Variants in GRM8 observed in about 807,000 individuals in gnomAD.
GRM8 encodes metabotropic glutamate receptor 8.
Under a neutral mutation model 87.2 loss-of-function variants are expected in GRM8, and 47 were observed. The ratio of observed to expected loss-of-function variants is 0.54; its 90% CI spans 0.43 to 0.69. The LOEUF (loss-of-function observed/expected upper bound fraction) is 0.69, where lower values mean the gene tolerates loss of function less well. Among genes scored for constraint, GRM8 ranks in the 30% least tolerant of loss-of-function variants. GRM8 has a pLI of 0.00. For missense variants in GRM8, 1,019 were observed against 1,139.2 expected, an observed-to-expected ratio of 0.89 and a Z score of 1.52; for synonymous variants, 396 against 404.5, an observed-to-expected ratio of 0.98 and a Z score of 0.25.
intron 9 of GRM8, among the ~76,000 whole-genome samples, chr7:126,490,344 A>G (rs1807856869): frequency 6.6e-6 from 1 of 152,036 alleles, no homozygotes; most frequent in South Asian, 2.1e-4. Context: ...TCTCTTAAAA[A>G]TGGTAGCATA....
intron 6 of GRM8, among the ~76,000 whole-genome samples, chr7:126,815,572 ACTT>A: frequency 6.6e-6 from 1 of 152,096 alleles, no homozygotes; most frequent in South Asian, 2.1e-4. Context: ...CAATAGTAAT[ACTT>A]CTTGCTGTAC....
chr7:126,439,697 G>A (rs1019959521), intron 10 of GRM8, among the ~76,000 whole-genome samples: 2 of 151,948 alleles, frequency 1.3e-5, no homozygotes, highest in African/African-American at 4.8e-5. Flanking sequence ...GGGTATTCCC[G>A]AATAAGGCAT....
intron 2 of GRM8, among the ~76,000 whole-genome samples, chr7:127,111,451 T>C (rs185867022): frequency 6.6e-6 from 1 of 152,098 alleles, no homozygotes; most frequent in Admixed American, 6.6e-5. Context: ...TGGCCTTCCT[T>C]GAAATGGTAA....
rs1156723063 is a variant in GRM8, at chr7:127,012,098, C to A, written c.727+94398G>T. On this transcript the variant is annotated intron_variant, in intron 3 of 10. Coordinates refer to ENST00000339582, the MANE Select transcript of GRM8 (RefSeq NM_000845.3). Reference sequence around the variant, plus strand: ...GTGATCCTAGCTGGGAAGCTCTCTGCGCTTAACTGTCAACTCACCTGGATT... The same window carrying A: ...GTGATCCTAGCTGGGAAGCTCTCTGAGCTTAACTGTCAACTCACCTGGATT... Among the ~76,000 whole-genome samples, 4 of 152,224 alleles carry A rather than the reference C, an allele frequency of 2.6e-5. No homozygotes were observed. The South Asian group carries it at 8.3e-4, about 32-fold the overall frequency.
intron 9 of GRM8, among the ~76,000 whole-genome samples, chr7:126,476,811 T>C (rs777678197): frequency 6.6e-5 from 10 of 151,886 alleles, no homozygotes; most frequent in Admixed American, 1.3e-4. Context: ...TAAATTGTTA[T>C]AGCCATTATG....
intron 3 of GRM8, among the ~76,000 whole-genome samples, chr7:126,968,171 G>C (rs1810064356): frequency 6.6e-6 from 1 of 152,078 alleles, no homozygotes; most frequent in Admixed American, 6.6e-5. Flanking sequence ...ATGTTATAAT[G>C]CCATTGTCTG....
Position 126,454,363 on chromosome 7 carries a change from T to C in GRM8, c.2431-7991A>G, listed in dbSNP as rs184738747. Reference sequence around the variant, plus strand: ...AGGAAAGTTGGTAAAATTATGAAAATGGTTTCAACTGTAGTTTTGCGAAAG... The same window carrying C: ...AGGAAAGTTGGTAAAATTATGAAAACGGTTTCAACTGTAGTTTTGCGAAAG... On this transcript the variant is annotated intron_variant, in intron 9 of 10. Coordinates refer to ENST00000339582, the MANE Select transcript of GRM8 (RefSeq NM_000845.3). Among the ~76,000 whole-genome samples, 81 of 151,828 alleles carry C rather than the reference T, an allele frequency of 5.3e-4. 3 individuals are homozygous for C. In the East Asian group the frequency reaches 0.011, roughly 21 times the overall value.
chr7:126,477,571 GAA>G (rs1335271585), intron 9 of GRM8, among the ~76,000 whole-genome samples: 1 of 90,212 alleles, frequency 1.1e-5, no homozygotes, highest in African/African-American at 4.4e-5. Context: ...GAGAAAGAAA[GAA>G]AGAAAGAGAG....
At chr7:126,591,772 A>T (rs1256200963) in intron 8 of GRM8, among the ~76,000 whole-genome samples, 1 of 151,814 alleles carries the variant, frequency 6.6e-6, no homozygotes, top group Non-Finnish European at 1.5e-5. Context: ...AAGGAAAAAA[A>T]AAAGATCATC....
chr7:127,200,581 G>C lies in GRM8; in HGVS notation c.510+42114C>G, dbSNP rs554378015. Among the ~76,000 whole-genome samples the C allele has an allele frequency of 3.9e-5, 6 of 152,244 alleles. No homozygotes were observed. In the East Asian group the frequency reaches 1.2e-3, roughly 29 times the overall value. ...TGGAGGCTGGAAGTCTGCCATCAAG[G>C]CATCAGCAGGCCCATGTTCTCTGCA... is the stretch of plus-strand genomic sequence containing the variant. On this transcript the variant is annotated intron_variant, in intron 2 of 10. Transcript: ENST00000339582.
chr7:127,179,717 C>G (rs924417836), intron 2 of GRM8, among the ~76,000 whole-genome samples: 6 of 152,050 alleles, frequency 3.9e-5, no homozygotes, highest in African/African-American at 1.4e-4. Context: ...CATGCAAATG[C>G]ATGGAAATTA....
chr7:127,092,725 A>G (rs117139460), intron 3 of GRM8, among the ~76,000 whole-genome samples: 291 of 152,304 alleles, frequency 1.9e-3, no homozygotes, highest in Non-Finnish European at 3.3e-3. Context: ...AAGAAAAAAG[A>G]AGGAAAAGAA....
chr7:126,567,652 C>T (rs1047335353), intron 8 of GRM8, among the ~76,000 whole-genome samples: 5 of 152,024 alleles, frequency 3.3e-5, no homozygotes, highest in Middle Eastern at 3.2e-3. Context: ...AATAAATTAG[C>T]TCTCTGGTGC....
chr7:126,961,634 C>A (rs1016596963), intron 3 of GRM8, among the ~76,000 whole-genome samples: 1 of 152,206 alleles, frequency 6.6e-6, no homozygotes. Flanking sequence ...TCAGACACAG[C>A]AGATCCCAAG....
At chr7:127,066,838 T>C (rs984111376) in intron 3 of GRM8, among the ~76,000 whole-genome samples, 2 of 152,198 alleles carry the variant, frequency 1.3e-5, no homozygotes, top group Admixed American at 6.5e-5. Flanking sequence ...TCTACTTTTT[T>C]CTTCGATTAG....
chr7:126,794,899 G>A (rs1252163733), intron 6 of GRM8, among the ~76,000 whole-genome samples: 2 of 152,104 alleles, frequency 1.3e-5, no homozygotes, highest in Non-Finnish European at 2.9e-5. Context: ...TTCCCAAGTC[G>A]GCTGTACATT....
chr7:126,841,394 C>T (rs1011077837), intron 6 of GRM8, among the ~76,000 whole-genome samples: 1 of 152,034 alleles, frequency 6.6e-6, no homozygotes, highest in African/African-American at 2.4e-5. Flanking sequence ...ACCATAGCAC[C>T]TATGCTAGCC....
chr7:126,911,947 C>A (rs1345472279), intron 3 of GRM8, among the ~76,000 whole-genome samples: 1 of 152,138 alleles, frequency 6.6e-6, no homozygotes, highest in Non-Finnish European at 1.5e-5. Context: ...ATAATCCCAG[C>A]ACTTTGAGAG....
At chr7:126,538,678 A>C (rs1255492486) in intron 8 of GRM8, among the ~76,000 whole-genome samples, 2 of 152,082 alleles carry the variant, frequency 1.3e-5, no homozygotes, top group African/African-American at 4.8e-5. Flanking sequence ...CTCGATATTC[A>C]AAACTCAATA....
Sources: gnomAD v4.1 joint callset for allele counts (sites outside exome capture counted in the v4.1 genomes callset) on GRCh38, gnomAD v4.1.1 for gene constraint, MANE v1.5 for transcripts, NCBI Gene and HGNC (gene_info 2026-07-23, HGNC 2026-07-21) for gene names.